Variants in KMT2C observed in about 807,000 individuals in gnomAD.
KMT2C encodes the protein lysine methyltransferase 2C.
A neutral mutation model predicts 507.9 loss-of-function variants in KMT2C; 88 were observed. That is an observed-to-expected ratio of 0.17 (90% CI 0.15 to 0.21). KMT2C has a LOEUF of 0.21. KMT2C is among the 10% of genes least tolerant of loss of function. KMT2C has a pLI of 1.00. For missense variants in KMT2C, 4,954 were observed against 5,957.8 expected (o/e 0.83, Z 5.55); for synonymous variants, 2,049 against 2,080.8 (o/e 0.98, Z 0.42).
At chr7:152,386,082 G>A (rs112934062) in intron 1 of KMT2C, among the ~76,000 whole-genome samples, 1 of 129,956 alleles carries the variant, frequency 7.7e-6, no homozygotes, top group African/African-American at 2.9e-5. Context: ...ATGAGACTCC[G>A]TCAAAAAAAA....
intron 14 of KMT2C, among the ~76,000 whole-genome samples, chr7:152,239,997 T>TTA: frequency 6.6e-6 from 1 of 152,318 alleles, no homozygotes; most frequent in East Asian, 1.9e-4. Flanking sequence ...ACACAAGCAA[T>TTA]AGACTGGTTT....
chr7:152,259,442 A>ACACG (rs1008153479), intron 9 of KMT2C, among the ~76,000 whole-genome samples: 3 of 118,000 alleles, frequency 2.5e-5, no homozygotes, highest in African/African-American at 1.1e-4. Context: ...AGACACACAC[A>ACACG]CGCGCACACA....
At chr7:152,303,459 C>G (rs1285572901) in intron 6 of KMT2C, among the ~76,000 whole-genome samples, 2 of 152,158 alleles carry the variant, frequency 1.3e-5, no homozygotes, top group Non-Finnish European at 2.9e-5. Context: ...AAATTTTGCC[C>G]TTCATTGACA....
At chr7:152,140,778 T>C (rs1181110669) in intron 55 of KMT2C, among the ~76,000 whole-genome samples, 2 of 152,184 alleles carry the variant, frequency 1.3e-5, no homozygotes, top group African/African-American at 4.8e-5. Context: ...GGAAGGGCCA[T>C]GTGAGAGACT....
At chr7:152,422,787 GC>G (rs1564202741) in intron 1 of KMT2C, among the ~76,000 whole-genome samples, 1 of 152,050 alleles carries the variant, frequency 6.6e-6, no homozygotes, top group Non-Finnish European at 1.5e-5. Context: ...ACTTTGGAAG[GC>G]CAAGGCAGGC....
chr7:152,262,612 A>G (rs201633226), intron 9 of KMT2C, among the ~76,000 whole-genome samples: 1 of 150,372 alleles, frequency 6.7e-6, no homozygotes, highest in Non-Finnish European at 1.5e-5. Flanking sequence ...CTCAGTAATA[A>G]AAAAGAATCA....
At chr7:152,414,347 T>G (rs1471649585) in intron 1 of KMT2C, among the ~76,000 whole-genome samples, 2 of 151,556 alleles carry the variant, frequency 1.3e-5, no homozygotes, top group African/African-American at 2.4e-5. Context: ...CTGACCAACA[T>G]GGAGAAACCC....
At chr7:152,157,838 C>T (rs771471500) in intron 44 of KMT2C, 3 of 1,333,528 alleles carry the variant, frequency 2.2e-6, no homozygotes, top group South Asian at 2.4e-5. Context: ...AGTCGATTCC[C>T]ACTATTAAAT....
chr7:152,164,878 T>C (rs1293110695), intron 42 of KMT2C, among the ~76,000 whole-genome samples: 1 of 152,184 alleles, frequency 6.6e-6, no homozygotes, highest in Non-Finnish European at 1.5e-5. Context: ...CTGGAGAACC[T>C]CACCATCTCA....
intron 43 of KMT2C, among the ~76,000 whole-genome samples, chr7:152,160,641 T>TTATATA (rs973158660): frequency 6.8e-6 from 1 of 146,730 alleles, no homozygotes; most frequent in Non-Finnish European, 1.5e-5. Flanking sequence ...ATATTTATAT[T>TTATATA]TATATATATA....
At chr7:152,255,126 TATATATATATATATATATAC>T (rs1563606263) in intron 9 of KMT2C, among the ~76,000 whole-genome samples, 5 of 119,760 alleles carry the variant, frequency 4.2e-5, no homozygotes, top group South Asian at 2.5e-4. Flanking sequence ...TATATATATA[TATATATATATATATATATAC>T]ATATATATAT....
Position 152,330,699 on chromosome 7 carries a change from T to G in KMT2C, c.291A>C (p.Glu97Asp). The part of the protein sequence containing the change: ...EQSAEEDAEA[E>D]VDNSKQLIPT... ...GAATTAGCTGTTTGCTGTTATCCAC[T>G]TCTGCTTCAGCATCCTCTTCTGCAG... The change falls in exon 3 of 59, where the codon GAA becomes GAC. Residue 97 changes from glutamate (E) to aspartate (D), a missense_variant. Glu to Asp is a conservative substitution (Grantham distance 45). This residue lies in a region of KMT2C where 233 missense variants were observed against 263.6 expected (regional missense o/e 0.88). Transcript: ENST00000262189. 2.5e-6 allele frequency: 4 copies of G among 1,613,906 alleles called. No homozygotes were observed. Among genetic ancestry groups the G allele is most frequent in the Non-Finnish European group, 2.5e-6 (3 of 1,179,770 alleles).
intron 1 of KMT2C, among the ~76,000 whole-genome samples, chr7:152,372,662 A>G (rs1179768842): frequency 6.6e-6 from 1 of 152,208 alleles, no homozygotes; most frequent in African/African-American, 2.4e-5. Flanking sequence ...TCATCAGGAG[A>G]ATGTAACATT....
At chr7:152,321,293 T>C (rs920389796) in intron 3 of KMT2C, among the ~76,000 whole-genome samples, 1 of 151,782 alleles carries the variant, frequency 6.6e-6, no homozygotes, top group Non-Finnish European at 1.5e-5. Flanking sequence ...TGTTTAAGAA[T>C]CTTTCACTTA....
At chr7:152,267,414 C>T (rs2095875671) in intron 7 of KMT2C, among the ~76,000 whole-genome samples, 1 of 152,216 alleles carries the variant, frequency 6.6e-6, no homozygotes, top group South Asian at 2.1e-4. Flanking sequence ...ACCTTAGTAT[C>T]ACTGTTCACT....
chr7:152,334,914 G>A (rs1309452317), intron 2 of KMT2C, among the ~76,000 whole-genome samples: 1 of 152,194 alleles, frequency 6.6e-6, no homozygotes, highest in Non-Finnish European at 1.5e-5. Context: ...CTCTGTTACA[G>A]CAGTTTAACC....
At chr7:152,169,095 G>A (rs1049965925) in intron 41 of KMT2C, 91 bp downstream of exon 41, 7 of 812,876 alleles carry the variant, frequency 8.6e-6, no homozygotes, top group Middle Eastern at 2.3e-4. Context: ...TTGAACTGGT[G>A]TACCTACACT....
intron 23 of KMT2C, among the ~76,000 whole-genome samples, chr7:152,218,430 C>T (rs1041571508): frequency 6.6e-6 from 1 of 152,104 alleles, no homozygotes; most frequent in Non-Finnish European, 1.5e-5. Flanking sequence ...TCCCAAAATG[C>T]TGGGATTACA....
intron 11 of KMT2C, among the ~76,000 whole-genome samples, chr7:152,251,342 A>C (rs1257541111): frequency 6.6e-6 from 1 of 152,180 alleles, no homozygotes; most frequent in Admixed American, 6.5e-5. Flanking sequence ...TCAAAACTAA[A>C]TACTGATGGC....
Sources: allele counts gnomAD v4.1 joint callset (sites outside exome capture counted in the v4.1 genomes callset), GRCh38; gene constraint gnomAD v4.1.1; regional missense constraint gnomAD v4.1.1; transcripts MANE v1.5; gene names NCBI Gene and HGNC (gene_info 2026-07-23, HGNC 2026-07-21).